XRCC2: variants seen among roughly 807,000 people sequenced by gnomAD.
The protein encoded by XRCC2 is X-ray repair cross complementing 2.
Under a neutral mutation model 27.3 loss-of-function variants are expected in XRCC2, and 24 were observed. That is an observed-to-expected ratio of 0.88 (90% CI 0.64 to 1.24). The LOEUF is 1.24. Ranked by LOEUF, XRCC2 falls within the 50% of genes most tolerant of loss-of-function variation. XRCC2 has a pLI of 0.00. For missense variants in XRCC2, 321 were observed against 325.8 expected (o/e 0.99, Z 0.11); for synonymous variants, 106 against 115.4 (o/e 0.92, Z 0.52).
At chr7:152,660,331 C>T (rs1411871030) in intron 2 of XRCC2, among the ~76,000 whole-genome samples, 1 of 152,130 alleles carries the variant, frequency 6.6e-6, no homozygotes, top group Non-Finnish European at 1.5e-5. Context: ...AAGCGCACGC[C>T]CTTAGTAAGT....
At chr7:152,668,681 G>A (rs2098036950) in intron 1 of XRCC2, among the ~76,000 whole-genome samples, 1 of 152,088 alleles carries the variant, frequency 6.6e-6, no homozygotes, top group African/African-American at 2.4e-5. Context: ...CCTTTCCGAG[G>A]CAAAATTTCC....
rs2098034020 is a variant in XRCC2, at chr7:152,663,097, C to T, written c.40-2315G>A. Among the ~76,000 whole-genome samples the T allele has an allele frequency of 2.0e-5, 3 of 152,042 alleles. No individual in the cohort carries two copies. In the South Asian group the frequency reaches 6.2e-4, roughly 31 times the overall value. ...TATGTCATAATACAAGGTAAAGTTA[C>T]AGGGTGCTTAATTAGAGCAGAGGTT... On this transcript the variant is annotated intron_variant, in intron 1 of 2. Coordinates refer to ENST00000359321, the MANE Select transcript of XRCC2 (RefSeq NM_005431.2).
intron 2 of XRCC2, among the ~76,000 whole-genome samples, chr7:152,655,433 G>T (rs575110627): frequency 6.6e-6 from 1 of 152,322 alleles, no homozygotes; most frequent in South Asian, 2.1e-4. Flanking sequence ...TACAGGTTGG[G>T]CGTGGTGGTT....
chr7:152,670,640 C>G (rs1385664563), intron 1 of XRCC2, among the ~76,000 whole-genome samples: 2 of 151,994 alleles, frequency 1.3e-5, no homozygotes, highest in African/African-American at 4.8e-5. Context: ...ACTCTGTCAC[C>G]CAGGCTGGAG....
intron 1 of XRCC2, among the ~76,000 whole-genome samples, chr7:152,665,412 C>T (rs925496677): frequency 6.7e-6 from 1 of 149,756 alleles, no homozygotes; most frequent in Non-Finnish European, 1.5e-5. Context: ...ACACATAACT[C>T]AGTGAACCAT....
intron 2 of XRCC2, among the ~76,000 whole-genome samples, chr7:152,654,161 C>A (rs1272150329): frequency 8.7e-5 from 11 of 126,350 alleles, no homozygotes; most frequent in Non-Finnish European, 1.7e-4. Flanking sequence ...TGCGCCATTG[C>A]ACTTCAGCCT....
chr7:152,653,924 G>T (rs989067228), intron 2 of XRCC2, among the ~76,000 whole-genome samples: 2 of 152,134 alleles, frequency 1.3e-5, no homozygotes, highest in African/African-American at 4.8e-5. Context: ...AGCCGGGCGC[G>T]GTGGCTCACG....
At position 152,648,657 on chromosome 7, in the gene XRCC2, C is replaced by G; in HGVS notation, c.828G>C (p.Gly276=). 4 of 1,601,068 alleles carry G rather than the reference C, an allele frequency of 2.5e-6. No individual in the cohort carries two copies. The highest frequency in any genetic ancestry group is 1.7e-4 in the Middle Eastern group (1 of 5,770). The part of the protein sequence containing the change: ...KKHFFIIGES[G]VEFC Reference sequence around the variant, plus strand: ...ATGATGTATATCAACAAAATTCAACCCCACTTTCTCCAATAATAAAAAAAT... The same window carrying G: ...ATGATGTATATCAACAAAATTCAACGCCACTTTCTCCAATAATAAAAAAAT... Residue 276 remains glycine (G), a synonymous_variant, in exon 3 of 3, where the codon GGG becomes GGC. Coordinates refer to ENST00000359321, the MANE Select transcript of XRCC2 (RefSeq NM_005431.2).
At chr7:152,675,067 C>CA (rs564148844) in intron 1 of XRCC2, among the ~76,000 whole-genome samples, 86 of 152,254 alleles carry the variant, frequency 5.6e-4, no homozygotes, top group African/African-American at 2.0e-3. Context: ...CTTCCTCTCT[C>CA]ATCTGCATAA....
chr7:152,672,846 G>C (rs2098038708), intron 1 of XRCC2, among the ~76,000 whole-genome samples: 1 of 152,114 alleles, frequency 6.6e-6, no homozygotes, highest in Admixed American at 6.5e-5. Context: ...ACCAAAACTG[G>C]ACAGACACTT....
chr7:152,675,439 T>C (rs1412390552), intron 1 of XRCC2, among the ~76,000 whole-genome samples: 2 of 152,156 alleles, frequency 1.3e-5, no homozygotes, highest in South Asian at 4.1e-4. Flanking sequence ...TAACACGTAG[T>C]TGACACACAG....
intron 1 of XRCC2, among the ~76,000 whole-genome samples, chr7:152,672,133 C>G (rs983688106): frequency 1.3e-5 from 2 of 152,090 alleles, no homozygotes; most frequent in Non-Finnish European, 2.9e-5. Flanking sequence ...TGGAAGTAGA[C>G]AGTTGGTTTT....
At chr7:152,660,644 G>A (rs2116999421) in intron 2 of XRCC2, 57 bp downstream of exon 2, 1 of 1,469,568 alleles carries the variant, frequency 6.8e-7, no homozygotes, top group Admixed American at 1.8e-5. Context: ...GTGAGCTTAT[G>A]TGAAAAATCC....
chr7:152,669,451 CAGGCTGGAGTGCAG>C (rs1455384994), intron 1 of XRCC2, among the ~76,000 whole-genome samples: 3 of 152,082 alleles, frequency 2.0e-5, no homozygotes, highest in African/African-American at 7.2e-5. Flanking sequence ...CTCTGTCGCC[CAGGCTGGAGTGCAG>C]AGGCACAATC....
chr7:152,656,393 T>C (rs1196424699), intron 2 of XRCC2, among the ~76,000 whole-genome samples: 2 of 151,894 alleles, frequency 1.3e-5, no homozygotes, highest in Non-Finnish European at 2.9e-5. Flanking sequence ...CAAGACTCTA[T>C]CTCAAAAAAA....
chr7:152,667,653 C>T (rs2117006659), intron 1 of XRCC2, among the ~76,000 whole-genome samples: 1 of 151,822 alleles, frequency 6.6e-6, no homozygotes, highest in East Asian at 1.9e-4. Context: ...GGTGAAAGAA[C>T]CTCCCAGAAA....
At chr7:152,652,180 A>T (rs1276462656) in intron 2 of XRCC2, among the ~76,000 whole-genome samples, 4 of 31,898 alleles carry the variant, frequency 1.3e-4, no homozygotes, top group Non-Finnish European at 3.6e-4. Flanking sequence ...AAAAGAAAAG[A>T]AAAAAAAAAA....
chr7:152,649,751 G>A (rs998693408), intron 2 of XRCC2, among the ~76,000 whole-genome samples: 1 of 152,154 alleles, frequency 6.6e-6, no homozygotes, highest in African/African-American at 2.4e-5. Flanking sequence ...TGATGGGGAG[G>A]GAAATGTGTC....
chr7:152,664,541 C>T lies in XRCC2; in HGVS notation c.40-3759G>A, dbSNP rs150586164. Among the ~76,000 whole-genome samples the T allele has an allele frequency of 6.4e-4, 97 of 152,260 alleles. 1 individual carries two copies. The highest frequency in any genetic ancestry group is 3.4e-3 in the Middle Eastern group (1 of 294). ...CTGATTCTGGGACTTACCCCAGTGC[C>T]GCCTGTCCCCCAACCCTACACCATT... On this transcript the variant is annotated intron_variant, in intron 1 of 2. Coordinates refer to ENST00000359321, the MANE Select transcript of XRCC2 (RefSeq NM_005431.2).
Sources: gnomAD v4.1 joint callset for allele counts (sites outside exome capture counted in the v4.1 genomes callset) on GRCh38, gnomAD v4.1.1 for gene constraint, MANE v1.5 for transcripts, NCBI Gene and HGNC (gene_info 2026-07-23, HGNC 2026-07-21) for gene names.